DYRK1A: variants seen among roughly 807,000 people sequenced by gnomAD.
DYRK1A encodes the protein dual specificity tyrosine-phosphorylation-regulated kinase 1A.
A neutral mutation model predicts 79.7 loss-of-function variants in DYRK1A; 9 were observed. The ratio of observed to expected loss-of-function variants is 0.11; its 90% CI spans 0.07 to 0.20. DYRK1A has a LOEUF of 0.20. Among genes scored for constraint, DYRK1A ranks in the 10% least tolerant of loss-of-function variants. DYRK1A has a pLI of 1.00. For synonymous variants in DYRK1A, 349 were observed against 329.7 expected, an observed-to-expected ratio of 1.06 and a Z score of -0.63; for missense variants, 622 against 956.0, an observed-to-expected ratio of 0.65 and a Z score of 4.61.
chr21:37,451,290 G>A (rs1027076909), intron 2 of DYRK1A, among the ~76,000 whole-genome samples: 5 of 152,098 alleles, frequency 3.3e-5, no homozygotes, highest in Non-Finnish European at 7.4e-5. Flanking sequence ...AAAGTCGACC[G>A]TAGTAGACGG....
chr21:37,495,156 G>T (rs1437202807), intron 8 of DYRK1A, among the ~76,000 whole-genome samples: 225 of 13,702 alleles, frequency 0.016, 1 homozygote, highest in African/African-American at 0.039. Flanking sequence ...GGGATTTTGT[G>T]TGTGTGTGTG....
At chr21:37,495,264 C>A (rs1601287503) in intron 8 of DYRK1A, among the ~76,000 whole-genome samples, 1 of 151,268 alleles carries the variant, frequency 6.6e-6, no homozygotes, top group Admixed American at 6.6e-5. Flanking sequence ...AATCCCAGCA[C>A]TTTGGGAGGT....
Position 37,404,689 on chromosome 21 carries a change from G to C in DYRK1A, c.-76-15610G>C, listed in dbSNP as rs563170416. Among the ~76,000 whole-genome samples, 284 of 152,272 alleles carry C rather than the reference G, an allele frequency of 1.9e-3. 1 individual carries two copies. Among genetic ancestry groups the C allele is most frequent in the Admixed American group, 7.1e-3 (108 of 15,294 alleles). ...ATGACCCTTCAGGGATCACAGTCTT[G>C]GGCTACCATTTGTTGATTGTCAGAA... On this transcript the variant is annotated intron_variant, in intron 1 of 11. Coordinates refer to ENST00000647188, the MANE Select transcript of DYRK1A (RefSeq NM_001347721.2).
intron 1 of DYRK1A, among the ~76,000 whole-genome samples, chr21:37,377,293 G>A (rs751760093): frequency 1.3e-5 from 2 of 151,858 alleles, no homozygotes; most frequent in African/African-American, 2.4e-5. Context: ...CTAATTTTTC[G>A]TATTTTTAGT....
At chr21:37,369,767 A>C (rs71332574) in intron 1 of DYRK1A, among the ~76,000 whole-genome samples, 3 of 152,250 alleles carry the variant, frequency 2.0e-5, no homozygotes, top group Non-Finnish European at 4.4e-5. Context: ...GGGGTGGGAA[A>C]TGGACTAAAT....
chr21:37,398,994 T>C (rs542055116), intron 1 of DYRK1A, among the ~76,000 whole-genome samples: 87 of 151,954 alleles, frequency 5.7e-4, no homozygotes, highest in Non-Finnish European at 1.2e-3. Flanking sequence ...TACTAGGACC[T>C]TGTAGGCAAA....
intron 7 of DYRK1A, among the ~76,000 whole-genome samples, chr21:37,492,138 A>T (rs1473534155): frequency 1.3e-5 from 2 of 152,206 alleles, no homozygotes; most frequent in Non-Finnish European, 2.9e-5. Flanking sequence ...ATGGAAATGT[A>T]ATACTTCTTC....
At chr21:37,480,901 C>G in intron 5 of DYRK1A, 75 bp downstream of exon 5, 7 of 1,190,292 alleles carry the variant, frequency 5.9e-6, no homozygotes, top group Non-Finnish European at 8.3e-6. Context: ...AACAGCCCTT[C>G]CTCAAGAGTG....
rs183657654 is a variant in DYRK1A, at chr21:37,500,656, T to C, written c.1212+4398T>C. Among the ~76,000 whole-genome samples the C allele has an allele frequency of 1.6e-4, 24 of 152,256 alleles. No individual in the cohort carries two copies. In the East Asian group the frequency reaches 4.0e-3, roughly 26 times the overall value. On this transcript the variant is annotated intron_variant, in intron 9 of 11. Coordinates refer to ENST00000647188, the MANE Select transcript of DYRK1A (RefSeq NM_001347721.2). ...TTTATGTTTTTTGATGAAAATATGGTTATCCAAATTTTTTTTAAGTTAGTT... is the reference window on the plus strand; with the variant it reads ...TTTATGTTTTTTGATGAAAATATGGCTATCCAAATTTTTTTTAAGTTAGTT...
At chr21:37,479,599 TGTTTTTGTTTTTGTTTTTTG>T (rs1569362045) in intron 4 of DYRK1A, among the ~76,000 whole-genome samples, 18 of 77,156 alleles carry the variant, frequency 2.3e-4, no homozygotes, top group African/African-American at 9.7e-4. Context: ...GTTTTGTTTT[TGTTTTTGTTTTTGTTTTTTG>T]TTTTTTTTTT....
rs1189884218 is a variant in DYRK1A at position 37,491,512 on chromosome 21, TA to T, written c.924+1053del. ...TCCCGTCCTACTTTTGTCCAGGTTT[TA>T]ACTATAACAGATTAATTTAATCATA... On this transcript the variant is annotated intron_variant, in intron 7 of 11. Coordinates refer to ENST00000647188, the MANE Select transcript of DYRK1A (RefSeq NM_001347721.2). 2.0e-5 allele frequency among the ~76,000 whole-genome samples: 3 copies of T among 152,346 alleles called. No homozygotes were observed. The East Asian group carries it at 5.8e-4, about 29-fold the overall frequency.
intron 7 of DYRK1A, among the ~76,000 whole-genome samples, chr21:37,492,337 T>G (rs1202120346): frequency 3.3e-5 from 5 of 152,216 alleles, no homozygotes; most frequent in Non-Finnish European, 7.4e-5. Context: ...TCTTTTCCAC[T>G]TTTAATAAGT....
At chr21:37,415,733 C>A (rs559482368) in intron 1 of DYRK1A, among the ~76,000 whole-genome samples, 1 of 152,204 alleles carries the variant, frequency 6.6e-6, no homozygotes, top group South Asian at 2.1e-4. Context: ...TCCCAAAGTT[C>A]TGGGATTACA....
chr21:37,478,077 T>G (rs761864551), intron 3 of DYRK1A, 131 bp from the exon 4 acceptor site: 5 of 1,197,350 alleles, frequency 4.2e-6, no homozygotes, highest in Non-Finnish European at 5.8e-6. Flanking sequence ...GAATGTATAA[T>G]CATCTAATGT....
upstream of DYRK1A, among the ~76,000 whole-genome samples, chr21:37,366,422 G>A (rs1286011307): frequency 2.0e-5 from 3 of 146,474 alleles, no homozygotes; most frequent in Admixed American, 6.8e-5. Context: ...GGCGGGGCGG[G>A]GCGGCCGGGA....
chr21:37,424,245 C>CT (rs1470987289), intron 2 of DYRK1A, among the ~76,000 whole-genome samples: 1 of 152,042 alleles, frequency 6.6e-6, no homozygotes, highest in African/African-American at 2.4e-5. Flanking sequence ...AGCAGTTTGA[C>CT]TTTTTTCTTA....
At chr21:37,406,727 CT>C (rs1385738835) in intron 1 of DYRK1A, among the ~76,000 whole-genome samples, 2 of 123,258 alleles carry the variant, frequency 1.6e-5, no homozygotes, top group African/African-American at 6.2e-5. Flanking sequence ...AAAATTATAT[CT>C]ATGTATATCT....
intron 6 of DYRK1A, among the ~76,000 whole-genome samples, chr21:37,489,632 G>GT (rs1001416989): frequency 2.5e-5 from 3 of 118,112 alleles, no homozygotes; most frequent in Non-Finnish European, 3.7e-5. Flanking sequence ...TGCCTAAAGG[G>GT]TAAAAAAAAA....
At chr21:37,422,259 T>C (rs73218408) in intron 2 of DYRK1A, among the ~76,000 whole-genome samples, 11,484 of 152,240 alleles carry the variant, frequency 0.075, 646 homozygotes, top group Non-Finnish European at 0.11. Context: ...TGTTGGTGTA[T>C]TCCCTTTCTA....
Sources: allele counts gnomAD v4.1 joint callset (sites outside exome capture counted in the v4.1 genomes callset), GRCh38; gene constraint gnomAD v4.1.1; transcripts MANE v1.5; gene names NCBI Gene and HGNC (gene_info 2026-07-23, HGNC 2026-07-21).